The following PTPRT variants were observed in gnomAD, a reference collection of about 807,000 sequenced individuals.
The protein encoded by PTPRT is receptor-type tyrosine-protein phosphatase T.
Under a neutral mutation model 176.8 loss-of-function variants are expected in PTPRT, and 56 were observed. That is an observed-to-expected ratio of 0.32 (90% CI 0.26 to 0.40). PTPRT has a LOEUF of 0.40. PTPRT is among the 10% of genes least tolerant of loss of function. PTPRT has a pLI of 1.00. For synonymous variants in PTPRT, 783 were observed against 739.0 expected, an observed-to-expected ratio of 1.06 and a Z score of -0.96; for missense variants, 1,540 against 1,908.2, an observed-to-expected ratio of 0.81 and a Z score of 3.60.
intron 7 of PTPRT, among the ~76,000 whole-genome samples, chr20:42,582,802 A>C (rs982778288): frequency 6.6e-6 from 1 of 152,158 alleles, no homozygotes; most frequent in Non-Finnish European, 1.5e-5. Context: ...GGAACATTTC[A>C]GGCTTCCTTT....
chr20:42,845,590 T>C (rs748991348), intron 2 of PTPRT, among the ~76,000 whole-genome samples: 9 of 152,158 alleles, frequency 5.9e-5, no homozygotes, highest in Non-Finnish European at 8.8e-5. Context: ...ACACACCTGC[T>C]ATACCCACGT....
At chr20:42,356,194 C>A (rs188873642) in intron 9 of PTPRT, among the ~76,000 whole-genome samples, 2 of 152,050 alleles carry the variant, frequency 1.3e-5, no homozygotes, top group East Asian at 3.9e-4. Flanking sequence ...ATAATATGAA[C>A]CTTCATTTAT....
intron 7 of PTPRT, among the ~76,000 whole-genome samples, chr20:42,601,287 C>T (rs2073777592): frequency 6.6e-6 from 1 of 152,212 alleles, no homozygotes; most frequent in African/African-American, 2.4e-5. Context: ...TCTACCTGCA[C>T]CATCACCCCT....
chr20:42,383,950 C>T (rs7262535), intron 9 of PTPRT, among the ~76,000 whole-genome samples: 12,664 of 152,198 alleles, frequency 0.083, 666 homozygotes, highest in African/African-American at 0.13. Flanking sequence ...GATTTTACGA[C>T]GGATTATATG....
chr20:43,126,695 A>C (rs1025033546), intron 1 of PTPRT, among the ~76,000 whole-genome samples: 2 of 152,212 alleles, frequency 1.3e-5, no homozygotes, highest in African/African-American at 4.8e-5. Context: ...TGAAAAATAA[A>C]ATTTTGTTCT....
chr20:42,511,511 T>G (rs2145456491), intron 7 of PTPRT, among the ~76,000 whole-genome samples: 1 of 149,388 alleles, frequency 6.7e-6, no homozygotes, highest in South Asian at 2.1e-4. Context: ...TTTGTGGACT[T>G]TTTTTTTTTT....
chr20:43,178,078 G>T (rs1040638517), intron 1 of PTPRT, among the ~76,000 whole-genome samples: 5 of 152,190 alleles, frequency 3.3e-5, no homozygotes, highest in African/African-American at 1.2e-4. Context: ...GGATTTGGTT[G>T]GGTGTTTGCG....
chr20:42,648,464 A>C (rs1025484085), intron 7 of PTPRT, among the ~76,000 whole-genome samples: 4 of 152,140 alleles, frequency 2.6e-5, no homozygotes, highest in Admixed American at 6.5e-5. Context: ...ATCAGAAGGC[A>C]GCTGCTAAGG....
the PTPRT span, among the ~76,000 whole-genome samples, chr20:42,064,621 A>G: frequency 6.6e-6 from 1 of 152,140 alleles, no homozygotes; most frequent in East Asian, 1.9e-4. Context: ...TATTTTGCAT[A>G]CTTATTTTAT....
intron 17 of PTPRT, among the ~76,000 whole-genome samples, chr20:42,155,633 T>G (rs1989317883): frequency 6.6e-6 from 1 of 152,206 alleles, no homozygotes; most frequent in Non-Finnish European, 1.5e-5. Flanking sequence ...GACTCTTCAA[T>G]TCAAGATAGT....
intron 16 of PTPRT, among the ~76,000 whole-genome samples, chr20:42,170,082 A>T (rs939960237): frequency 6.6e-6 from 1 of 152,178 alleles, no homozygotes; most frequent in Admixed American, 6.5e-5. Context: ...AGACAGTACC[A>T]TGTCTGTGTG....
intron 9 of PTPRT, among the ~76,000 whole-genome samples, chr20:42,387,382 T>G (rs1294918610): frequency 6.6e-6 from 1 of 152,234 alleles, no homozygotes; most frequent in Non-Finnish European, 1.5e-5. Flanking sequence ...TGAAGACACC[T>G]TATTCAGCAC....
intron 1 of PTPRT, among the ~76,000 whole-genome samples, chr20:43,185,162 C>A (rs1457012587): frequency 6.6e-6 from 1 of 152,316 alleles, no homozygotes; most frequent in Middle Eastern, 3.4e-3. Flanking sequence ...CCTCCTGGAC[C>A]CAATTCTGTA....
At chr20:42,603,153 C>A (rs935431201) in intron 7 of PTPRT, among the ~76,000 whole-genome samples, 1 of 152,138 alleles carries the variant, frequency 6.6e-6, no homozygotes, top group Non-Finnish European at 1.5e-5. Flanking sequence ...AGTTAAAAGG[C>A]AAATACACCA....
At chr20:42,143,654 T>C (rs1042017610) in intron 17 of PTPRT, among the ~76,000 whole-genome samples, 9 of 152,024 alleles carry the variant, frequency 5.9e-5, no homozygotes, top group African/African-American at 1.9e-4. Context: ...GAAGTGATTA[T>C]TTGCAGGATG....
rs527526673 is a variant in PTPRT, at chr20:42,525,696, T to C, written c.1154-53134A>G. On this transcript the variant is annotated intron_variant, in intron 7 of 30. Transcript: ENST00000373187. Reference sequence around the variant, plus strand: ...CCATTTCCCTAATTATCTCTTCAAATTTCTCTGATTACCTCTTCGAGTCTC... The same window carrying C: ...CCATTTCCCTAATTATCTCTTCAAACTTCTCTGATTACCTCTTCGAGTCTC... Among the ~76,000 whole-genome samples the C allele has an allele frequency of 3.3e-5, 5 of 152,340 alleles. No homozygotes were observed. In the South Asian group the frequency reaches 1.0e-3, roughly 32 times the overall value.
intron 13 of PTPRT, among the ~76,000 whole-genome samples, chr20:42,275,584 G>A (rs899291535): frequency 2.6e-5 from 4 of 152,152 alleles, no homozygotes; most frequent in African/African-American, 9.7e-5. Flanking sequence ...TGGAAGGGGT[G>A]TGTGTGGCGG....
chr20:42,276,053 C>T (rs1031192339), intron 13 of PTPRT, among the ~76,000 whole-genome samples: 2 of 152,062 alleles, frequency 1.3e-5, no homozygotes, highest in Non-Finnish European at 2.9e-5. Context: ...CAAGTGATTC[C>T]CCATTATGGC....
the PTPRT span, among the ~76,000 whole-genome samples, chr20:42,061,335 C>T: frequency 1.3e-5 from 2 of 152,226 alleles, no homozygotes; most frequent in African/African-American, 4.8e-5. Context: ...GAATTAGTCA[C>T]ATGGGCCCAA....
Sources: gnomAD v4.1 joint callset for allele counts (sites outside exome capture counted in the v4.1 genomes callset) on GRCh38, gnomAD v4.1.1 for gene constraint, MANE v1.5 for transcripts, NCBI Gene and HGNC (gene_info 2026-07-23, HGNC 2026-07-21) for gene names.